HS6ST3: variants seen among roughly 807,000 people sequenced by gnomAD.
HS6ST3 encodes heparan sulfate 6-O-sulfotransferase 3, also known as heparan-sulfate 6-O-sulfotransferase 3.
In HS6ST3, 12 loss-of-function variants were observed where a neutral mutation model predicts 36.7. The observed-to-expected ratio is 0.33, with a 90% confidence interval of 0.21 to 0.53. The LOEUF (loss-of-function observed/expected upper bound fraction) is 0.53, where lower values mean the gene tolerates loss of function less well. Among genes scored for constraint, HS6ST3 ranks in the 20% least tolerant of loss-of-function variants. The pLI is 0.95. For missense variants in HS6ST3, 584 were observed against 640.9 expected (o/e 0.91, Z 0.96); for synonymous variants, 240 against 257.5 (o/e 0.93, Z 0.65).
At chr13:96,250,395 C>T (rs560669763) in intron 1 of HS6ST3, among the ~76,000 whole-genome samples, 3 of 152,162 alleles carry the variant, frequency 2.0e-5, no homozygotes, top group Admixed American at 6.5e-5. Flanking sequence ...GATGACATCA[C>T]CCTGCATTAC....
intron 1 of HS6ST3, among the ~76,000 whole-genome samples, chr13:96,728,163 A>C (rs907941495): frequency 7.2e-5 from 11 of 152,232 alleles, no homozygotes; most frequent in African/African-American, 2.4e-4. Context: ...AGGAAGAACA[A>C]GTACATAAGT....
At chr13:96,266,399 C>T (rs539244624) in intron 1 of HS6ST3, among the ~76,000 whole-genome samples, 18 of 152,224 alleles carry the variant, frequency 1.2e-4, no homozygotes, top group Non-Finnish European at 2.1e-4. Context: ...TCTGAGATTA[C>T]CTGGGACAGA....
At chr13:96,125,447 A>G (rs1244125993) in intron 1 of HS6ST3, among the ~76,000 whole-genome samples, 1 of 152,222 alleles carries the variant, frequency 6.6e-6, no homozygotes, top group Non-Finnish European at 1.5e-5. Context: ...ATTAAGCTTC[A>G]TAAACCAACC....
intron 1 of HS6ST3, among the ~76,000 whole-genome samples, chr13:96,436,776 T>A (rs1430146404): frequency 6.6e-6 from 1 of 152,200 alleles, no homozygotes; most frequent in Non-Finnish European, 1.5e-5. Context: ...GCTGGCACCT[T>A]GTTCTTAGAC....
intron 1 of HS6ST3, among the ~76,000 whole-genome samples, chr13:96,524,990 A>C (rs1338744608): frequency 6.6e-6 from 1 of 152,194 alleles, no homozygotes; most frequent in Non-Finnish European, 1.5e-5. Flanking sequence ...CCATCTTGGA[A>C]GTGACTCCCT....
intron 1 of HS6ST3, among the ~76,000 whole-genome samples, chr13:96,667,505 A>G (rs1468805178): frequency 6.6e-6 from 1 of 152,128 alleles, no homozygotes; most frequent in African/African-American, 2.4e-5. Flanking sequence ...CCTAAACTCC[A>G]TCTCCATCTG....
At chr13:96,637,438 A>G (rs1391468557) in intron 1 of HS6ST3, among the ~76,000 whole-genome samples, 7 of 152,124 alleles carry the variant, frequency 4.6e-5, no homozygotes, top group Non-Finnish European at 1.0e-4. Context: ...AAAGTTACTT[A>G]ATCTCTCTTA....
At chr13:96,212,726 G>T (rs1268331510) in intron 1 of HS6ST3, among the ~76,000 whole-genome samples, 1 of 152,094 alleles carries the variant, frequency 6.6e-6, no homozygotes, top group Non-Finnish European at 1.5e-5. Flanking sequence ...TTTTTGGGGG[G>T]TAAAGTGTGT....
At chr13:96,765,588 T>TTCTCTCTCTCTCTCTC (rs58979172) in intron 1 of HS6ST3, among the ~76,000 whole-genome samples, 61 of 142,702 alleles carry the variant, frequency 4.3e-4, no homozygotes, top group African/African-American at 1.0e-3. Context: ...CTCTCTCTCT[T>TTCTCTCTCTCTCTCTC]TCTCTCTCTC....
At chr13:96,423,468 T>C (rs2055570872) in intron 1 of HS6ST3, among the ~76,000 whole-genome samples, 1 of 151,784 alleles carries the variant, frequency 6.6e-6, no homozygotes, top group South Asian at 2.1e-4. Flanking sequence ...CTGGAGAGTG[T>C]GCTGGGGTCC....
intron 1 of HS6ST3, among the ~76,000 whole-genome samples, chr13:96,676,980 A>T (rs2056700836): frequency 6.6e-6 from 1 of 152,140 alleles, no homozygotes; most frequent in Non-Finnish European, 1.5e-5. Flanking sequence ...TAGTAAGTAG[A>T]GAAAAGTTGG....
At chr13:96,583,979 G>A (rs918939624) in intron 1 of HS6ST3, among the ~76,000 whole-genome samples, 1 of 152,120 alleles carries the variant, frequency 6.6e-6, no homozygotes, top group Non-Finnish European at 1.5e-5. Flanking sequence ...ATCACCAAAT[G>A]GCTTCAGGGA....
At chr13:96,659,641 A>G (rs751470961) in intron 1 of HS6ST3, among the ~76,000 whole-genome samples, 18 of 152,160 alleles carry the variant, frequency 1.2e-4, no homozygotes, top group African/African-American at 3.9e-4. Flanking sequence ...ATTTTGATTC[A>G]TCATCCATCT....
intron 1 of HS6ST3, among the ~76,000 whole-genome samples, chr13:96,385,968 C>G (rs2055365825): frequency 6.6e-6 from 1 of 152,148 alleles, no homozygotes. Flanking sequence ...CAGAAAAACA[C>G]ACAAACCAAA....
chr13:96,152,051 G>A (rs900567148), intron 1 of HS6ST3, among the ~76,000 whole-genome samples: 1 of 152,304 alleles, frequency 6.6e-6, no homozygotes. Flanking sequence ...GGGGGACACA[G>A]TTCACCTCAT....
At chr13:96,295,357 T>C (rs2054849802) in intron 1 of HS6ST3, among the ~76,000 whole-genome samples, 1 of 152,082 alleles carries the variant, frequency 6.6e-6, no homozygotes, top group South Asian at 2.1e-4. Flanking sequence ...GTGTTTCTTG[T>C]TGTTTTTTTT....
At chr13:96,563,869 C>T (rs1005137523) in intron 1 of HS6ST3, among the ~76,000 whole-genome samples, 1 of 152,152 alleles carries the variant, frequency 6.6e-6, no homozygotes, top group Admixed American at 6.5e-5. Flanking sequence ...TGTCTTAGCC[C>T]CAAGCCTGAG....
intron 1 of HS6ST3, among the ~76,000 whole-genome samples, chr13:96,777,398 G>C (rs1877414169): frequency 6.6e-6 from 1 of 152,206 alleles, no homozygotes; most frequent in South Asian, 2.1e-4. Context: ...GTCTCTGTTT[G>C]CAGATGACTT....
At chr13:96,106,274 A>G (rs1048825043) in intron 1 of HS6ST3, among the ~76,000 whole-genome samples, 1 of 152,188 alleles carries the variant, frequency 6.6e-6, no homozygotes, top group Non-Finnish European at 1.5e-5. Flanking sequence ...ACAACCGAAG[A>G]GGAGATGAGA....
Sources: gnomAD v4.1 joint callset for allele counts (sites outside exome capture counted in the v4.1 genomes callset) on GRCh38, gnomAD v4.1.1 for gene constraint, MANE v1.5 for transcripts, NCBI Gene and HGNC (gene_info 2026-07-23, HGNC 2026-07-21) for gene names.